Variants in PROCR observed in about 807,000 individuals in gnomAD.
PROCR encodes the protein endothelial protein C receptor.
In PROCR, 22 loss-of-function variants were observed where a neutral mutation model predicts 24.2. The ratio of observed to expected loss-of-function variants is 0.91; its 90% CI spans 0.65 to 1.30. The LOEUF (loss-of-function observed/expected upper bound fraction) is 1.30. Among genes scored for constraint, PROCR ranks in the 50% most tolerant of loss-of-function variants. PROCR has a pLI of 0.00. For synonymous variants in PROCR, 137 were observed against 139.2 expected, an observed-to-expected ratio of 0.98 and a Z score of 0.11; for missense variants, 288 against 307.7, an observed-to-expected ratio of 0.94 and a Z score of 0.48.
In PROCR at chr20:35,185,034, A is replaced by C. The variant is rs968131699; in HGVS notation, c.94+8588A>C. On this transcript the variant is annotated intron_variant, in intron 1 of 1. Transcript: ENST00000634509. ...AACTCAAACGAATCAGTAAGACAAA[A>C]AAAAAAAAAAAAAAAATCAATCCCA... is the stretch of plus-strand genomic sequence containing the variant. Among the ~76,000 whole-genome samples the C allele has an allele frequency of 4.3e-3, 412 of 94,996 alleles. 1 individual carries two copies. Among genetic ancestry groups the C allele is most frequent in the South Asian group, 7.1e-3 (20 of 2,806 alleles). 62.3% of individuals were successfully genotyped at this position (94,996 alleles called of 152,430 possible). A position where few individuals can be genotyped will look rare whatever the true frequency, so the allele number is the denominator to read the frequency against.
chr20:35,211,373 A>C (rs17406518), intron 1 of PROCR, among the ~76,000 whole-genome samples: 12,469 of 152,150 alleles, frequency 0.082, 742 homozygotes, highest in South Asian at 0.18. Flanking sequence ...GGAGCCTCCA[A>C]AATTTTCAGG....
At chr20:35,192,937 C>T (rs1457975661) in intron 1 of PROCR, among the ~76,000 whole-genome samples, 1 of 152,002 alleles carries the variant, frequency 6.6e-6, no homozygotes, top group Non-Finnish European at 1.5e-5. Flanking sequence ...ATGGAATATA[C>T]AACGAGAGTA....
intron 1 of PROCR, among the ~76,000 whole-genome samples, chr20:35,182,985 AAAAAAAAAAAAAAAGGAAAGAAAG>A (rs2086091713): frequency 3.5e-5 from 1 of 28,494 alleles, no homozygotes; most frequent in Non-Finnish European, 7.2e-5. Context: ...AAAAAAAAAA[AAAAAAAAAAAAAAAGGAAAGAAAG>A]AAAGAAAAAT....
At chr20:35,179,590 T>A (rs1281465843), downstream of PROCR, among the ~76,000 whole-genome samples, 2 of 152,088 alleles carry the variant, frequency 1.3e-5, no homozygotes, top group Non-Finnish European at 2.9e-5. Context: ...TGGCTTCTGA[T>A]CTCCAGACCT....
chr20:35,198,028 TA>T (rs2146170080), intron 1 of PROCR, among the ~76,000 whole-genome samples: 2 of 152,066 alleles, frequency 1.3e-5, no homozygotes, highest in East Asian at 3.9e-4. Context: ...CTCACACCTG[TA>T]ATCCCAGCAC....
At chr20:35,175,168 G>T (rs939299896) in intron 2 of PROCR, among the ~76,000 whole-genome samples, 3 of 151,946 alleles carry the variant, frequency 2.0e-5, no homozygotes, top group Non-Finnish European at 4.4e-5. Context: ...TCGGGCGGTC[G>T]TCCTGCTGGC....
chr20:35,180,612 C>A (rs1365572622), downstream of PROCR, among the ~76,000 whole-genome samples: 2 of 151,574 alleles, frequency 1.3e-5, no homozygotes, highest in African/African-American at 2.4e-5. Flanking sequence ...CTTCTTCCCC[C>A]TGGTAAGCAT....
At chr20:35,206,438 G>A (rs1365312451) in intron 1 of PROCR, among the ~76,000 whole-genome samples, 1 of 133,254 alleles carries the variant, frequency 7.5e-6, no homozygotes, top group Non-Finnish European at 1.5e-5. Context: ...TGGCGTCACT[G>A]CAGTCCAGCC....
chr20:35,176,283 G>T lies in PROCR; in HGVS notation c.438G>T (p.Glu146Asp). 6.2e-7 allele frequency: 1 copy of T among 1,614,228 alleles called. No individual in the cohort carries two copies. Among genetic ancestry groups the T allele is most frequent in the Non-Finnish European group, 8.5e-7 (1 of 1,180,040 alleles). ...GCTCCTTTGTGAGTTTCCGGCCGGA[G>T]AGAGCCTTGTGGCAGGCAGACACCC... ...NGSSFVSFRPERALWQADTQV... is the reference protein window; with the variant it reads ...NGSSFVSFRPDRALWQADTQV... The change falls in exon 3 of 4, where the codon GAG becomes GAT. Residue 146 changes from glutamate (E) to aspartate (D), a missense_variant. By Grantham distance (45) the Glu-to-Asp change is conservative. Transcript: ENST00000216968.
intron 1 of PROCR, among the ~76,000 whole-genome samples, chr20:35,173,544 C>T (rs2146141109): frequency 6.6e-6 from 1 of 151,452 alleles, no homozygotes; most frequent in Non-Finnish European, 1.5e-5. Context: ...ATTCTCCTGC[C>T]TCAGCCTCCT....
intron 1 of PROCR, 79 bp from the exon 2 acceptor site, chr20:35,174,623 C>G: frequency 6.3e-7 from 1 of 1,586,154 alleles, no homozygotes; most frequent in Admixed American, 1.7e-5. Flanking sequence ...CGGCCAGCCT[C>G]GAGGTAGGGG....
chr20:35,180,497 G>A (rs940841176), downstream of PROCR, among the ~76,000 whole-genome samples: 2 of 152,138 alleles, frequency 1.3e-5, no homozygotes, highest in Non-Finnish European at 2.9e-5. Flanking sequence ...GGATTGACAA[G>A]GGCTAGCCAG....
At chr20:35,178,511 T>TTTTTTTTTG (rs1568592396), downstream of PROCR, among the ~76,000 whole-genome samples, 15 of 42,912 alleles carry the variant, frequency 3.5e-4, 2 homozygotes, top group African/African-American at 3.0e-3. Flanking sequence ...GTCTCAGTTT[T>TTTTTTTTTG]TTTTTTTTTT....
At chr20:35,195,746 G>C (rs1195071983) in intron 1 of PROCR, among the ~76,000 whole-genome samples, 1 of 149,416 alleles carries the variant, frequency 6.7e-6, no homozygotes, top group Non-Finnish European at 1.5e-5. Context: ...ACTTGAACTG[G>C]GGAGGCAGAG....
chr20:35,208,973 A>C (rs569690589), intron 1 of PROCR, among the ~76,000 whole-genome samples: 120 of 152,292 alleles, frequency 7.9e-4, no homozygotes, highest in African/African-American at 2.7e-3. Flanking sequence ...CTCCATCCCC[A>C]AAAAATAAAT....
chr20:35,212,223 T>C (rs2060365181), intron 1 of PROCR, among the ~76,000 whole-genome samples: 1 of 152,064 alleles, frequency 6.6e-6, no homozygotes, highest in Admixed American at 6.6e-5. Flanking sequence ...GAAAAAGAGA[T>C]GGCAGTGGAA....
intron 1 of PROCR, among the ~76,000 whole-genome samples, chr20:35,210,644 T>C (rs1200916185): frequency 6.6e-6 from 1 of 152,174 alleles, no homozygotes; most frequent in East Asian, 1.9e-4. Context: ...CTGAACTTTT[T>C]TTTAATTGCC....
At chr20:35,198,317 C>G (rs2060306306) in intron 1 of PROCR, among the ~76,000 whole-genome samples, 1 of 151,730 alleles carries the variant, frequency 6.6e-6, no homozygotes, top group Non-Finnish European at 1.5e-5. Flanking sequence ...AAGTGCTACT[C>G]CGGTGAACAC....
chr20:35,174,678 G>A, intron 1 of PROCR, 24 bp from the exon 2 acceptor site: 1 of 1,613,590 alleles, frequency 6.2e-7, no homozygotes, highest in Non-Finnish European at 8.5e-7. Context: ...CGCCGGCCCA[G>A]GCTGAAGCTG....
Sources: gnomAD v4.1 joint callset for allele counts (sites outside exome capture counted in the v4.1 genomes callset) on GRCh38, gnomAD v4.1.1 for gene constraint, MANE v1.5 for transcripts, NCBI Gene and HGNC (gene_info 2026-07-23, HGNC 2026-07-21) for gene names.